Variants in AP2B1 observed in about 807,000 individuals in gnomAD.
AP2B1 encodes the protein AP-2 complex subunit beta.
A neutral mutation model predicts 102.0 loss-of-function variants in AP2B1; 23 were observed. The observed-to-expected ratio is 0.23, with a 90% CI of 0.16 to 0.32. The LOEUF is 0.32. Ranked by LOEUF, AP2B1 falls within the 10% of genes least tolerant of loss-of-function variation. The pLI is 1.00. For missense variants in AP2B1, 541 were observed against 1,157.4 expected, an observed-to-expected ratio of 0.47 and a Z score of 7.73; for synonymous variants, 381 against 421.2, an observed-to-expected ratio of 0.90 and a Z score of 1.17.
intron 5 of AP2B1, among the ~76,000 whole-genome samples, chr17:35,621,536 ATC>A (rs1237395837): frequency 2.0e-5 from 3 of 152,174 alleles, no homozygotes; most frequent in African/African-American, 7.2e-5. Flanking sequence ...TTTGGCAGTG[ATC>A]TCTCTTATTT....
chr17:35,723,777 C>A lies in AP2B1; in HGVS notation c.*78C>A. 1.8e-6 allele frequency: 2 copies of A among 1,115,276 alleles called. No homozygotes were observed. Among genetic ancestry groups the A allele is most frequent in the African/African-American group, 1.5e-5 (1 of 65,218 alleles). The allele number at this position is 1,115,276 out of a possible 1,614,324, so 69.1% of individuals were successfully genotyped here. On this transcript the variant is annotated 3_prime_UTR_variant, in exon 22 of 22. Coordinates refer to ENST00000610402, the MANE Select transcript of AP2B1 (RefSeq NM_001030006.2). Reference sequence around the variant, plus strand: ...CTCTTAACTGGAAGAAATTGTATTGCTGCGTAGAATCTGAACACACTGAGG... The same window carrying A: ...CTCTTAACTGGAAGAAATTGTATTGATGCGTAGAATCTGAACACACTGAGG...
chr17:35,638,232 G>A lies in AP2B1; in HGVS notation c.1272-1363G>A, dbSNP rs147183235. ...TTTATGGTTAATAAAGAGTTAGGACGGTTTATGTTTAAGAAAGCAATCAAG... is the reference window on the plus strand; with the variant it reads ...TTTATGGTTAATAAAGAGTTAGGACAGTTTATGTTTAAGAAAGCAATCAAG... On this transcript the variant is annotated intron_variant, in intron 10 of 21. Transcript: ENST00000610402. Among the ~76,000 whole-genome samples the A allele has an allele frequency of 1.1e-4, 16 of 152,196 alleles. No individual in the cohort carries two copies. In the East Asian group the frequency reaches 2.7e-3, roughly 26 times the overall value.
chr17:35,642,644 C>T (rs1016288133), intron 12 of AP2B1, among the ~76,000 whole-genome samples: 1 of 152,048 alleles, frequency 6.6e-6, no homozygotes, highest in African/African-American at 2.4e-5. Context: ...GCTAACAGGC[C>T]GGCTTTTTAG....
At chr17:35,629,138 G>A (rs369213358) in intron 9 of AP2B1, among the ~76,000 whole-genome samples, 3 of 152,032 alleles carry the variant, frequency 2.0e-5, no homozygotes, top group Non-Finnish European at 4.4e-5. Context: ...TAGTAGAGAC[G>A]AGGTTCGCCA....
chr17:35,704,159 T>G (rs2076294862), intron 18 of AP2B1, among the ~76,000 whole-genome samples: 1 of 152,234 alleles, frequency 6.6e-6, no homozygotes, highest in Non-Finnish European at 1.5e-5. Context: ...ACTGGCTTCA[T>G]ACTGTGTTTT....
intron 5 of AP2B1, among the ~76,000 whole-genome samples, chr17:35,617,625 T>A (rs1036677842): frequency 2.6e-5 from 4 of 152,174 alleles, no homozygotes; most frequent in African/African-American, 9.7e-5. Flanking sequence ...TTAAAGTAGT[T>A]CTCAACAGCA....
Position 35,610,488 on chromosome 17 carries a change from T to C in AP2B1, c.525+2101T>C, listed in dbSNP as rs2073825767. 2.6e-5 allele frequency among the ~76,000 whole-genome samples: 4 copies of C among 152,006 alleles called. No individual in the cohort carries two copies. In the South Asian group the frequency reaches 8.3e-4, roughly 32 times the overall value. On this transcript the variant is annotated intron_variant, in intron 5 of 21. Coordinates refer to ENST00000610402, the MANE Select transcript of AP2B1 (RefSeq NM_001030006.2). ...CATAAAGAAATTAGTTGGCTAGGCA[T>C]GTTGGCTCATATGCCTATAATCCTA...
At position 35,657,486 on chromosome 17, in the gene AP2B1, C is replaced by G. The variant is rs557810409; in HGVS notation, c.1797-113C>G. On this transcript the variant is annotated intron_variant, in intron 13 of 21. Transcript: ENST00000610402. ...TGGTTATAAAATCAGAGAGTTTTTC[C>G]CCCTTGTATTTGATAGTTATATATA... The G allele has an allele frequency of 1.6e-4, 108 of 695,190 alleles. No homozygotes were observed. In the East Asian group the frequency reaches 3.1e-3, roughly 20 times the overall value. 43.1% of individuals were successfully genotyped at this position (695,190 alleles called of 1,614,324 possible). A position where few individuals can be genotyped will look rare whatever the true frequency, so the allele number is the denominator to read the frequency against.
At chr17:35,629,598 A>G (rs2074408048) in intron 9 of AP2B1, among the ~76,000 whole-genome samples, 1 of 152,194 alleles carries the variant, frequency 6.6e-6, no homozygotes, top group African/African-American at 2.4e-5. Context: ...TGATGATTGC[A>G]TATCTATGCA....
At chr17:35,644,232 C>A (rs890422795) in intron 12 of AP2B1, among the ~76,000 whole-genome samples, 1 of 152,224 alleles carries the variant, frequency 6.6e-6, no homozygotes, top group African/African-American at 2.4e-5. Context: ...TGCTTCCTCT[C>A]TAGTCTGAAG....
At chr17:35,616,755 G>C (rs1443113415) in intron 5 of AP2B1, among the ~76,000 whole-genome samples, 2 of 152,156 alleles carry the variant, frequency 1.3e-5, no homozygotes, top group Non-Finnish European at 2.9e-5. Context: ...TACTCTGTTT[G>C]AAGGTAGCTC....
At chr17:35,676,042 C>T (rs2075694379) in intron 17 of AP2B1, among the ~76,000 whole-genome samples, 1 of 152,110 alleles carries the variant, frequency 6.6e-6, no homozygotes, top group Non-Finnish European at 1.5e-5. Context: ...TTATCTCCTC[C>T]TCCTTCTCTG....
At chr17:35,697,854 C>T (rs892119232) in intron 18 of AP2B1, among the ~76,000 whole-genome samples, 2 of 152,042 alleles carry the variant, frequency 1.3e-5, no homozygotes, top group Admixed American at 6.5e-5. Flanking sequence ...CCCAGCTACT[C>T]GGGAGGCTGA....
chr17:35,720,473 TAAAAA>T (rs1185041163), intron 21 of AP2B1, among the ~76,000 whole-genome samples: 2 of 145,208 alleles, frequency 1.4e-5, no homozygotes, highest in Non-Finnish European at 3.0e-5. Context: ...AAATAAAAGT[TAAAAA>T]AAATAGATTC....
At chr17:35,634,016 G>A (rs1235897282) in intron 9 of AP2B1, among the ~76,000 whole-genome samples, 6 of 151,928 alleles carry the variant, frequency 3.9e-5, no homozygotes, top group African/African-American at 4.8e-5. Context: ...GCATGGTGGC[G>A]CACGCCTGTA....
chr17:35,664,133 A>T (rs967358328), intron 14 of AP2B1, among the ~76,000 whole-genome samples: 1 of 152,218 alleles, frequency 6.6e-6, no homozygotes, highest in Admixed American at 6.5e-5. Flanking sequence ...GTAATAAAGC[A>T]GTAGTACTTT....
At chr17:35,660,187 C>T (rs1005899045) in intron 14 of AP2B1, 26 of 596,448 alleles carry the variant, frequency 4.4e-5, no homozygotes, top group African/African-American at 2.8e-4. Context: ...CACTATGTTG[C>T]GTAGGCTCAT....
In AP2B1 at chr17:35,608,356, T is replaced by C; in HGVS notation, c.494T>C (p.Leu165Pro). The C allele has an allele frequency of 1.2e-6, 2 of 1,614,242 alleles. No homozygotes were observed. Among genetic ancestry groups the C allele is most frequent in the Non-Finnish European group, 1.7e-6 (2 of 1,180,046 alleles). ...MVEDQGFLDSLRDLIADSNPM... is the reference protein window; with the variant it reads ...MVEDQGFLDSPRDLIADSNPM... ...GAAGATCAGGGATTTCTGGATTCTC[T>C]ACGGGATCTCATAGCAGATTCAAAT... Residue 165 changes from leucine (L) to proline (P), a missense_variant, in exon 5 of 22, where the codon CTA becomes CCA. This residue lies in a region of AP2B1 where 134 missense variants were observed against 250.2 expected (regional missense o/e 0.54). Coordinates refer to ENST00000610402, the MANE Select transcript of AP2B1 (RefSeq NM_001030006.2).
intron 14 of AP2B1, among the ~76,000 whole-genome samples, chr17:35,665,267 A>G (rs141959896): frequency 1.3e-5 from 2 of 149,828 alleles, no homozygotes; most frequent in African/African-American, 4.9e-5. Flanking sequence ...AGCTGGGTCT[A>G]CAGGCGCCCA....
Sources: gnomAD v4.1 joint callset for allele counts (sites outside exome capture counted in the v4.1 genomes callset) on GRCh38, gnomAD v4.1.1 for gene constraint, gnomAD v4.1.1 regional missense constraint, MANE v1.5 for transcripts, NCBI Gene and HGNC (gene_info 2026-07-23, HGNC 2026-07-21) for gene names.